The following DNAAF5 variants were observed in gnomAD, a reference collection of about 807,000 sequenced individuals.
The protein encoded by DNAAF5 is dynein axonemal assembly factor 5.
DNAAF5 carries 64 observed loss-of-function variants against 75.8 expected under a neutral mutation model. The observed-to-expected ratio is 0.84, with a 90% CI of 0.69 to 1.04. The LOEUF (loss-of-function observed/expected upper bound fraction) is 1.04, where lower values mean the gene tolerates loss of function less well. Among genes scored for constraint, DNAAF5 ranks in the 50% least tolerant of loss-of-function variants. The probability of loss-of-function intolerance (pLI) is 0.00; values close to 1 mark genes in which losing one functional copy is unlikely to be tolerated. For synonymous variants in DNAAF5, 657 were observed against 557.2 expected, an observed-to-expected ratio of 1.18 and a Z score of -2.52; for missense variants, 1,269 against 1,178.5, an observed-to-expected ratio of 1.08 and a Z score of -1.12.
chr7:767,447 A>G (rs1053717744), intron 8 of DNAAF5, among the ~76,000 whole-genome samples: 3 of 152,200 alleles, frequency 2.0e-5, no homozygotes, highest in Admixed American at 1.3e-4. Flanking sequence ...CTAATTATGG[A>G]AAAAGCTATG....
At chr7:760,003 G>A (rs1782594191) in intron 6 of DNAAF5, among the ~76,000 whole-genome samples, 1 of 152,192 alleles carries the variant, frequency 6.6e-6, no homozygotes. Flanking sequence ...AAACAAATCT[G>A]TGGCTTCTGT....
In DNAAF5 at chr7:745,433, C is replaced by CAG. The variant is rs574675507; in HGVS notation, c.1024+3969_1024+3970insGA. ...AGAGCGAGGCGCACACGCATACACA[C>CAG]ACACACACATATTCACATGCATGCA... On this transcript the variant is annotated intron_variant, in intron 4 of 12. Coordinates refer to ENST00000297440, the MANE Select transcript of DNAAF5 (RefSeq NM_017802.4). Among the ~76,000 whole-genome samples the CAG allele has an allele frequency of 8.5e-3, 975 of 114,606 alleles. 11 individuals carry two copies. Among genetic ancestry groups the CAG allele is most frequent in the African/African-American group, 0.03 (929 of 31,388 alleles). 75.2% of individuals were successfully genotyped at this position (114,606 alleles called of 152,430 possible). A position where few individuals can be genotyped will look rare whatever the true frequency, so the allele number is the denominator to read the frequency against.
chr7:736,727 T>G (rs2128071459), intron 2 of DNAAF5, among the ~76,000 whole-genome samples: 1 of 152,316 alleles, frequency 6.6e-6, no homozygotes, highest in Non-Finnish European at 1.5e-5. Context: ...AAGTAAGGAC[T>G]TACTCCTGCC....
At chr7:745,196 G>A (rs766651684) in intron 4 of DNAAF5, among the ~76,000 whole-genome samples, 1 of 152,212 alleles carries the variant, frequency 6.6e-6, no homozygotes, top group Non-Finnish European at 1.5e-5. Flanking sequence ...ATGCTACACG[G>A]AGCCCAAGCT....
chr7:782,742 ACG>A (rs1779013272), intron 12 of DNAAF5, among the ~76,000 whole-genome samples: 1 of 115,882 alleles, frequency 8.6e-6, no homozygotes, highest in African/African-American at 3.6e-5. Flanking sequence ...GCCTCCCGTC[ACG>A]CAGCGTCAGA....
In DNAAF5 at chr7:769,470, C is replaced by T. The variant is rs577458533; in HGVS notation, c.1784-1001C>T. Reference sequence around the variant, plus strand: ...GGATGCACAGTGCAGGCGCCCAAGCCTCGCGCCCACCGGAGAGCAGCCACG... The same window carrying T: ...GGATGCACAGTGCAGGCGCCCAAGCTTCGCGCCCACCGGAGAGCAGCCACG... On this transcript the variant is annotated intron_variant, in intron 8 of 12. Transcript: ENST00000297440. Among the ~76,000 whole-genome samples, 145 of 152,178 alleles carry T rather than the reference C, an allele frequency of 9.5e-4. 1 individual carries two copies. Among genetic ancestry groups the T allele is most frequent in the African/African-American group, 3.3e-3 (139 of 41,554 alleles).
intron 4 of DNAAF5, among the ~76,000 whole-genome samples, chr7:745,672 T>C (rs1269575948): frequency 6.7e-6 from 1 of 148,426 alleles, no homozygotes; most frequent in Non-Finnish European, 1.5e-5. Flanking sequence ...CTCACACACG[T>C]GTACACACAT....
chr7:775,920 T>A (rs1178396322), intron 11 of DNAAF5, among the ~76,000 whole-genome samples: 2 of 152,220 alleles, frequency 1.3e-5, no homozygotes, highest in Non-Finnish European at 2.9e-5. Context: ...ATGCCTTTTT[T>A]TATCAGAGAC....
At position 729,814 on chromosome 7, in the gene DNAAF5, T is replaced by G; in HGVS notation, c.747T>G (p.His249Gln). Residue 249 changes from histidine (H) to glutamine (Q), a missense_variant, in exon 2 of 13, where the codon CAT becomes CAG. Physicochemically the swap from His to Gln is conservative, Grantham distance 24 (BLOSUM62 0). Transcript: ENST00000297440. Reference sequence around the variant, plus strand: ...AGTCCGTGGACGACGTGCTTTCCCATTTTGCTCAGCGACTGTTTGATGACG... The same window carrying G: ...AGTCCGTGGACGACGTGCTTTCCCAGTTTGCTCAGCGACTGTTTGATGACG... Reference protein sequence around the residue: ...NGKSVDDVLSHFAQRLFDDVP... With the variant: ...NGKSVDDVLSQFAQRLFDDVP... The G allele has an allele frequency of 6.2e-7, 1 of 1,614,180 alleles. No individual in the cohort carries two copies. Among genetic ancestry groups the G allele is most frequent in the Non-Finnish European group, 8.5e-7 (1 of 1,180,030 alleles).
At chr7:774,342 A>T (rs1379767261) in intron 10 of DNAAF5, 144 bp downstream of exon 10, 1 of 898,798 alleles carries the variant, frequency 1.1e-6, no homozygotes, top group African/African-American at 1.8e-5. Context: ...GGCTCTCCCC[A>T]CACTGGCGGC....
At chr7:780,541 T>G (rs1778901692) in intron 12 of DNAAF5, among the ~76,000 whole-genome samples, 1 of 152,246 alleles carries the variant, frequency 6.6e-6, no homozygotes, top group African/African-American at 2.4e-5. Flanking sequence ...ACATCTTCCA[T>G]ACAGTCAGTC....
intron 4 of DNAAF5, among the ~76,000 whole-genome samples, chr7:743,503 T>C (rs1353265364): frequency 6.6e-6 from 1 of 152,114 alleles, no homozygotes; most frequent in Admixed American, 6.5e-5. Flanking sequence ...TTCCTCCCGG[T>C]CGGCATTCTC....
intron 9 of DNAAF5, among the ~76,000 whole-genome samples, chr7:773,565 C>T (rs1201233538): frequency 2.6e-5 from 4 of 152,068 alleles, no homozygotes; most frequent in Admixed American, 1.3e-4. Flanking sequence ...CCTCCCATCC[C>T]GCCTCTGTGA....
rs1195037704 is a variant in DNAAF5 at position 727,200 on chromosome 7, C to G, written c.480C>G (p.Leu160=). 2 of 1,346,368 alleles carry G rather than the reference C, an allele frequency of 1.5e-6. No homozygotes were observed. The highest frequency in any genetic ancestry group is 3.4e-5 in the South Asian group (2 of 59,164). The allele number at this position is 1,346,368 out of a possible 1,614,324, so 83.4% of individuals were successfully genotyped here. Residue 160 remains leucine, a synonymous_variant, in exon 1 of 13, where the codon CTC becomes CTG. Transcript: ENST00000297440. ...GLAVDLCGAA[L]APHLDDALRA... ...CCGTGGACCTGTGCGGCGCCGCGCTCGCGCCCCACCTGGACGACGCTCTGC... is the reference window on the plus strand; with the variant it reads ...CCGTGGACCTGTGCGGCGCCGCGCTGGCGCCCCACCTGGACGACGCTCTGC...
intron 8 of DNAAF5, among the ~76,000 whole-genome samples, chr7:766,834 C>T (rs909717818): frequency 1.4e-5 from 2 of 140,694 alleles, no homozygotes; most frequent in Admixed American, 6.7e-5. Context: ...CATTAACTCC[C>T]AAACAAACAG....
At chr7:746,376 A>T (rs184087591) in intron 4 of DNAAF5, among the ~76,000 whole-genome samples, 6 of 16,078 alleles carry the variant, frequency 3.7e-4, no homozygotes, top group Admixed American at 8.6e-4. Context: ...CCCCCACCCA[A>T]CATGCCCAGG....
At chr7:780,479 G>A (rs1436871209) in intron 12 of DNAAF5, among the ~76,000 whole-genome samples, 3 of 152,232 alleles carry the variant, frequency 2.0e-5, no homozygotes, top group Non-Finnish European at 2.9e-5. Context: ...CTGCAAGAAC[G>A]ATTTTTGCAA....
At chr7:784,916 C>A (rs999884760) in intron 12 of DNAAF5, among the ~76,000 whole-genome samples, 1 of 152,226 alleles carries the variant, frequency 6.6e-6, no homozygotes, top group African/African-American at 2.4e-5. Flanking sequence ...GACTGCCGTG[C>A]ACCCACCCAG....
chr7:732,960 G>A (rs1781631702), intron 2 of DNAAF5, among the ~76,000 whole-genome samples: 1 of 152,180 alleles, frequency 6.6e-6, no homozygotes. Flanking sequence ...TTTTGTACAT[G>A]GTGAGAGATA....
Sources: allele counts gnomAD v4.1 joint callset (sites outside exome capture counted in the v4.1 genomes callset), GRCh38; gene constraint gnomAD v4.1.1; transcripts MANE v1.5; gene names NCBI Gene and HGNC (gene_info 2026-07-23, HGNC 2026-07-21).